Variants in MCTP2 observed in about 807,000 individuals in gnomAD.
MCTP2 encodes multiple C2 and transmembrane domain-containing protein 2.
MCTP2 carries 132 observed loss-of-function variants against 111.6 expected under a neutral mutation model. The ratio of observed to expected loss-of-function variants is 1.18; its 90% CI spans 1.03 to 1.37. MCTP2 has a LOEUF of 1.37. MCTP2 is among the 40% of genes most tolerant of loss of function. MCTP2 has a pLI of 0.00. For missense variants in MCTP2, 1,183 were observed against 1,067.9 expected, an observed-to-expected ratio of 1.11 and a Z score of -1.50; for synonymous variants, 395 against 387.7, an observed-to-expected ratio of 1.02 and a Z score of -0.22.
At chr15:94,243,545 ACG>A (rs2071300611) in intron 1 of MCTP2, among the ~76,000 whole-genome samples, 4 of 136,762 alleles carry the variant, frequency 2.9e-5, no homozygotes, top group African/African-American at 1.1e-4. Flanking sequence ...ATGCGTGCAT[ACG>A]TATGCGTATA....
At chr15:94,389,721 A>G (rs1463362996) in intron 14 of MCTP2, among the ~76,000 whole-genome samples, 1 of 152,188 alleles carries the variant, frequency 6.6e-6, no homozygotes, top group African/African-American at 2.4e-5. Context: ...GTTTAAAAAC[A>G]GAAAAAACAG....
At position 94,477,880 on chromosome 15, in the gene MCTP2, G is replaced by A. The variant is rs193055412; in HGVS notation, c.2569-1086G>A. ...TTACTTAATTAAAAAATAATAACCC[G>A]GCCCCTGTTTGTTTTGCATTGAAGA... On this transcript the variant is annotated intron_variant, in intron 22 of 22. Transcript: ENST00000357742. Among the ~76,000 whole-genome samples the A allele has an allele frequency of 3.4e-3, 511 of 152,034 alleles. 1 individual carries two copies. Among genetic ancestry groups the A allele is most frequent in the African/African-American group, 9.3e-3 (384 of 41,452 alleles).
chr15:94,382,891 A>T (rs75100776), intron 12 of MCTP2, among the ~76,000 whole-genome samples: 8,030 of 152,344 alleles, frequency 0.053, 276 homozygotes, highest in African/African-American at 0.08. Context: ...ACAGTTCCAA[A>T]TCCAGATCCT....
At chr15:94,277,983 T>C (rs2074299668) in intron 1 of MCTP2, among the ~76,000 whole-genome samples, 1 of 152,188 alleles carries the variant, frequency 6.6e-6, no homozygotes, top group African/African-American at 2.4e-5. Context: ...TTCTACACGA[T>C]GTCTTTGTAA....
chr15:94,341,092 C>T (rs533093567), intron 7 of MCTP2, 168 bp downstream of exon 7: 3 of 529,662 alleles, frequency 5.7e-6, no homozygotes, highest in Non-Finnish European at 1.0e-5. Context: ...ATACAATGCT[C>T]TTCTTTGAGG....
chr15:94,287,429 T>C (rs557160245), intron 1 of MCTP2, among the ~76,000 whole-genome samples: 25 of 152,296 alleles, frequency 1.6e-4, no homozygotes, highest in African/African-American at 5.8e-4. Flanking sequence ...CAGGGGTGTA[T>C]TAGCTTTATA....
intron 19 of MCTP2, 30 bp downstream of exon 19, chr15:94,442,990 A>G (rs747601091): frequency 1.2e-6 from 2 of 1,601,254 alleles, no homozygotes; most frequent in African/African-American, 1.3e-5. Flanking sequence ...AACACACACA[A>G]AAAAACACTA....
chr15:94,447,525 G>A (rs1488794552), intron 19 of MCTP2, among the ~76,000 whole-genome samples: 1 of 152,146 alleles, frequency 6.6e-6, no homozygotes, highest in East Asian at 1.9e-4. Flanking sequence ...CTCTGGAGTA[G>A]TTGAGACTAC....
chr15:94,435,857 T>C (rs2083449420), intron 17 of MCTP2, among the ~76,000 whole-genome samples: 1 of 151,368 alleles, frequency 6.6e-6, no homozygotes, highest in African/African-American at 2.4e-5. Flanking sequence ...GGTCTCGATC[T>C]CCTGACCTCG....
chr15:94,236,740 G>A (rs2070595659), intron 1 of MCTP2, among the ~76,000 whole-genome samples: 2 of 152,092 alleles, frequency 1.3e-5, no homozygotes, highest in African/African-American at 2.4e-5. Context: ...CCCATGGACC[G>A]GAATAGAAGT....
chr15:94,398,069 C>A (rs969558407), intron 14 of MCTP2, among the ~76,000 whole-genome samples: 1 of 152,180 alleles, frequency 6.6e-6, no homozygotes, highest in African/African-American at 2.4e-5. Context: ...AAATGTTTTA[C>A]TTAGATAACT....
intron 8 of MCTP2, among the ~76,000 whole-genome samples, chr15:94,350,630 G>C (rs1374933805): frequency 1.8e-4 from 27 of 152,198 alleles, no homozygotes; most frequent in Admixed American, 1.8e-3. Flanking sequence ...CCTGGAGCAT[G>C]AGCTGTGTAC....
chr15:94,316,100 T>C (rs567007579), intron 4 of MCTP2, among the ~76,000 whole-genome samples: 1 of 152,326 alleles, frequency 6.6e-6, no homozygotes, highest in East Asian at 1.9e-4. Context: ...GTGATTGTTT[T>C]ATTTATCTTT....
chr15:94,336,363 T>G (rs932500402), intron 4 of MCTP2, among the ~76,000 whole-genome samples: 4 of 152,202 alleles, frequency 2.6e-5, no homozygotes, highest in Non-Finnish European at 5.9e-5. Flanking sequence ...TTCACTTCTG[T>G]TGGGACACTT....
At chr15:94,438,832 G>T (rs1327806921) in intron 17 of MCTP2, among the ~76,000 whole-genome samples, 2 of 152,052 alleles carry the variant, frequency 1.3e-5, no homozygotes, top group African/African-American at 4.8e-5. Flanking sequence ...TCTTAATGTG[G>T]TATGATTTAT....
At chr15:94,379,513 T>C (rs1310431464) in intron 12 of MCTP2, among the ~76,000 whole-genome samples, 3 of 151,872 alleles carry the variant, frequency 2.0e-5, no homozygotes, top group Non-Finnish European at 4.4e-5. Flanking sequence ...CAGAAGTGCT[T>C]TCTTCCAACT....
At chr15:94,245,039 C>T (rs541733874) in intron 1 of MCTP2, among the ~76,000 whole-genome samples, 180 of 145,040 alleles carry the variant, frequency 1.2e-3, no homozygotes, top group Middle Eastern at 0.016. Context: ...TGTTTATATA[C>T]GTATATGTAT....
At chr15:94,308,857 C>T (rs868725930) in intron 2 of MCTP2, among the ~76,000 whole-genome samples, 2 of 152,126 alleles carry the variant, frequency 1.3e-5, no homozygotes, top group African/African-American at 4.8e-5. Context: ...TAAAAGCAAG[C>T]GGCGGGCTGG....
intron 10 of MCTP2, among the ~76,000 whole-genome samples, chr15:94,358,883 A>T (rs1055632762): frequency 6.6e-6 from 1 of 152,188 alleles, no homozygotes; most frequent in African/African-American, 2.4e-5. Flanking sequence ...ACTATTCAAA[A>T]CATTTTATAT....
Sources: allele counts gnomAD v4.1 joint callset (sites outside exome capture counted in the v4.1 genomes callset), GRCh38; gene constraint gnomAD v4.1.1; transcripts MANE v1.5; gene names NCBI Gene and HGNC (gene_info 2026-07-23, HGNC 2026-07-21).